Variants in CUEDC1 observed in about 807,000 individuals in gnomAD.
CUEDC1 encodes CUE domain-containing protein 1.
Under a neutral mutation model 43.7 loss-of-function variants are expected in CUEDC1, and 30 were observed. The ratio of observed to expected loss-of-function variants is 0.69; its 90% CI spans 0.51 to 0.93. The LOEUF (loss-of-function observed/expected upper bound fraction) is 0.93. CUEDC1 is among the 40% of genes least tolerant of loss of function. The probability of loss-of-function intolerance (pLI) is 0.00; values close to 1 mark genes in which losing one functional copy is unlikely to be tolerated. For synonymous variants in CUEDC1, 223 were observed against 223.6 expected (o/e 1.00, Z 0.02); for missense variants, 486 against 549.0 (o/e 0.89, Z 1.15).
At chr17:57,953,187 G>A (rs548681863) in intron 1 of CUEDC1, among the ~76,000 whole-genome samples, 1 of 152,152 alleles carries the variant, frequency 6.6e-6, no homozygotes, top group Non-Finnish European at 1.5e-5. Flanking sequence ...TAAAGGCCTG[G>A]ATCTCACACC....
intron 3 of CUEDC1, among the ~76,000 whole-genome samples, chr17:57,875,975 C>T (rs185633798): frequency 2.6e-5 from 4 of 152,274 alleles, no homozygotes; most frequent in South Asian, 2.1e-4. Flanking sequence ...GCATGCTCCC[C>T]GGGGTGGCCC....
chr17:57,887,453 T>C (rs1256390296), intron 1 of CUEDC1, among the ~76,000 whole-genome samples: 1 of 152,024 alleles, frequency 6.6e-6, no homozygotes, highest in Non-Finnish European at 1.5e-5. Context: ...AAACTTGTTT[T>C]CACTTTTCTA....
At chr17:57,884,456 A>G (rs1012007054) in intron 2 of CUEDC1, among the ~76,000 whole-genome samples, 7 of 151,550 alleles carry the variant, frequency 4.6e-5, no homozygotes, top group African/African-American at 1.5e-4. Flanking sequence ...TCGGCCTCCC[A>G]AAGTGCTGGG....
rs1374989703 is a variant in CUEDC1 at position 57,890,964 on chromosome 17, C to T, written c.-315-5085G>A. 3.3e-5 allele frequency among the ~76,000 whole-genome samples: 5 copies of T among 152,304 alleles called. 1 individual carries two copies. The South Asian group carries it at 8.3e-4, about 25-fold the overall frequency. ...ACATAGGGGAGGAGTATTAATAGAA[C>T]GTACATGGGTACCTGGCGTATAATA... is the stretch of plus-strand genomic sequence containing the variant. On this transcript the variant is annotated intron_variant, in intron 1 of 10. Transcript: ENST00000577830.
chr17:57,861,634 A>G lies in CUEDC1; in HGVS notation c.*1655T>C, dbSNP rs898523659. 8 of 152,400 alleles carry G rather than the reference A, an allele frequency of 5.2e-5. No homozygotes were observed. Among genetic ancestry groups the G allele is most frequent in the African/African-American group, 1.9e-4 (8 of 41,460 alleles). The allele number at this position is 152,400 out of a possible 1,614,324, so 9.4% of individuals were successfully genotyped here. A position where few individuals can be genotyped will look rare whatever the true frequency, so the allele number is the denominator to read the frequency against. On this transcript the variant is annotated 3_prime_UTR_variant, in exon 11 of 11. Transcript: ENST00000577830. ...CCAACTGTTTATTACAGGAATTCCT[A>G]TGAAACAGCTCCAAGAAAAAACCCA...
chr17:57,872,657 GC>G lies in CUEDC1; in HGVS notation c.784+5del, dbSNP rs1213117749. On this transcript the variant is annotated splice_donor_5th_base_variant and intron_variant, in intron 5 of 10. Transcript: ENST00000577830. ...CCAGGGAGAAGTGGCTGCAGGCGCT[GC>G]CCACCTCTCTCCAGAGCGAGGAGGA... 19 of 1,613,244 alleles carry G rather than the reference GC, an allele frequency of 1.2e-5. No individual in the cohort carries two copies. Among genetic ancestry groups the G allele is most frequent in the Non-Finnish European group, 5.1e-6 (6 of 1,179,884 alleles).
chr17:57,898,928 C>G (rs538816065), intron 1 of CUEDC1, among the ~76,000 whole-genome samples: 25 of 152,292 alleles, frequency 1.6e-4, no homozygotes, highest in Middle Eastern at 3.4e-3. Flanking sequence ...CACTCCTAAC[C>G]AGGGGAAGGA....
Position 57,882,639 on chromosome 17 carries a change from C to T in CUEDC1, c.336+2590G>A, listed in dbSNP as rs532072337. ...CTTATAGGTAGATTTTCTTCCACCTCCACCACCCCTGAGACAGCAAAACCA... is the reference window on the plus strand; with the variant it reads ...CTTATAGGTAGATTTTCTTCCACCTTCACCACCCCTGAGACAGCAAAACCA... On this transcript the variant is annotated intron_variant, in intron 2 of 10. Transcript: ENST00000577830. 9.8e-5 allele frequency among the ~76,000 whole-genome samples: 15 copies of T among 152,286 alleles called. 1 individual carries two copies. In the South Asian group the frequency reaches 3.1e-3, roughly 32 times the overall value.
At chr17:57,909,627 G>A (rs536178235) in intron 1 of CUEDC1, among the ~76,000 whole-genome samples, 1 of 152,376 alleles carries the variant, frequency 6.6e-6, no homozygotes, top group South Asian at 2.1e-4. Flanking sequence ...GCAGAGAGAA[G>A]CTGGGGTCCA....
intron 1 of CUEDC1, among the ~76,000 whole-genome samples, chr17:57,931,876 C>T (rs1371286913): frequency 1.3e-5 from 2 of 152,046 alleles, no homozygotes; most frequent in Non-Finnish European, 2.9e-5. Flanking sequence ...AAATCGTATT[C>T]TCCCACCTCC....
intron 1 of CUEDC1, among the ~76,000 whole-genome samples, chr17:57,891,682 C>T (rs28450483): frequency 0.16 from 24,735 of 152,196 alleles, 2,414 homozygotes; most frequent in African/African-American, 0.26. Context: ...AGTCCACCAA[C>T]GAGCCAAGCA....
intron 1 of CUEDC1, among the ~76,000 whole-genome samples, chr17:57,935,321 TC>T (rs2074849083): frequency 6.6e-6 from 1 of 151,138 alleles, no homozygotes; most frequent in Non-Finnish European, 1.5e-5. Flanking sequence ...AAGGCTTCCA[TC>T]CTGAGTGACC....
chr17:57,871,521 C>G, intron 5 of CUEDC1, 152 bp from the exon 6 acceptor site: 1 of 619,660 alleles, frequency 1.6e-6, no homozygotes, highest in South Asian at 1.9e-5. Flanking sequence ...CACACATCTA[C>G]CAGCTCTCAA....
intron 1 of CUEDC1, among the ~76,000 whole-genome samples, chr17:57,931,870 C>A (rs537518964): frequency 6.6e-6 from 1 of 151,866 alleles, no homozygotes; most frequent in East Asian, 1.9e-4. Context: ...AAAATCAAAT[C>A]GTATTCTCCC....
intron 1 of CUEDC1, among the ~76,000 whole-genome samples, chr17:57,926,200 G>C (rs1396806964): frequency 2.0e-5 from 3 of 152,190 alleles, no homozygotes; most frequent in Non-Finnish European, 4.4e-5. Context: ...CAGTTCTCCA[G>C]GGGTCCCTCA....
chr17:57,869,299 T>C, intron 6 of CUEDC1, 106 bp from the exon 7 acceptor site: 3 of 946,960 alleles, frequency 3.2e-6, no homozygotes. Context: ...AGCAGGCTTC[T>C]TCCCTGGCCA....
chr17:57,935,630 G>C (rs2074854304), intron 1 of CUEDC1, among the ~76,000 whole-genome samples: 1 of 151,986 alleles, frequency 6.6e-6, no homozygotes, highest in African/African-American at 2.4e-5. Context: ...CAGCAGGCTG[G>C]AACTGAAAGG....
At chr17:57,880,398 ACT>A (rs1469453051) in intron 2 of CUEDC1, among the ~76,000 whole-genome samples, 1 of 152,198 alleles carries the variant, frequency 6.6e-6, no homozygotes. Context: ...GCTTTTTAGA[ACT>A]GAGTCTTCAA....
intron 1 of CUEDC1, among the ~76,000 whole-genome samples, chr17:57,891,166 CAT>C (rs2074351196): frequency 6.6e-6 from 1 of 152,214 alleles, no homozygotes; most frequent in African/African-American, 2.4e-5. Context: ...ACTCCACACT[CAT>C]ACAGCCTTCT....
Sources: gnomAD v4.1 joint callset for allele counts (sites outside exome capture counted in the v4.1 genomes callset) on GRCh38, gnomAD v4.1.1 for gene constraint, MANE v1.5 for transcripts, NCBI Gene and HGNC (gene_info 2026-07-23, HGNC 2026-07-21) for gene names.